Variants in VTI1A observed in about 807,000 individuals in gnomAD.
VTI1A encodes vesicle transport through interaction with t-SNAREs homolog 1A.
A neutral mutation model predicts 34.9 loss-of-function variants in VTI1A; 22 were observed. That is an observed-to-expected ratio of 0.63 (90% CI 0.45 to 0.90). The LOEUF (loss-of-function observed/expected upper bound fraction) is 0.90, where lower values mean the gene tolerates loss of function less well. Among genes scored for constraint, VTI1A ranks in the 40% least tolerant of loss-of-function variants. The pLI is 0.00. For missense variants in VTI1A, 268 were observed against 275.6 expected (o/e 0.97, Z 0.20); for synonymous variants, 87 against 97.3 (o/e 0.89, Z 0.62).
the VTI1A span, among the ~76,000 whole-genome samples, chr10:112,853,113 C>T: frequency 2.0e-5 from 3 of 152,196 alleles, no homozygotes; most frequent in African/African-American, 7.2e-5. Flanking sequence ...CCATGTTCTC[C>T]TTGTCCAAGG....
intron 7 of VTI1A, among the ~76,000 whole-genome samples, chr10:112,811,510 G>T (rs1308265452): frequency 6.6e-6 from 1 of 151,550 alleles, no homozygotes; most frequent in Admixed American, 6.6e-5. Flanking sequence ...GTGAAACCCC[G>T]TCTCTACTAA....
At chr10:112,728,741 T>C (rs1850138869) in intron 7 of VTI1A, among the ~76,000 whole-genome samples, 1 of 152,158 alleles carries the variant, frequency 6.6e-6, no homozygotes, top group Non-Finnish European at 1.5e-5. Context: ...TAACAACAAA[T>C]GTTCACTGCA....
chr10:112,499,109 G>A (rs1057376883), intron 3 of VTI1A, among the ~76,000 whole-genome samples: 1 of 152,112 alleles, frequency 6.6e-6, no homozygotes, highest in African/African-American at 2.4e-5. Context: ...GGGAGATATG[G>A]CATTTAATAA....
chr10:112,721,848 G>A (rs1324693577), intron 7 of VTI1A, among the ~76,000 whole-genome samples: 1 of 152,162 alleles, frequency 6.6e-6, no homozygotes, highest in Non-Finnish European at 1.5e-5. Flanking sequence ...AAGGAGTGAG[G>A]CCTCTTGTCA....
intron 7 of VTI1A, among the ~76,000 whole-genome samples, chr10:112,683,651 C>T (rs147905687): frequency 2.2e-3 from 331 of 152,254 alleles, no homozygotes; most frequent in Non-Finnish European, 2.4e-3. Context: ...TTGCTCTACT[C>T]ACTTAATATT....
intron 5 of VTI1A, among the ~76,000 whole-genome samples, chr10:112,572,405 T>C (rs1364134716): frequency 6.6e-6 from 1 of 152,208 alleles, no homozygotes; most frequent in Non-Finnish European, 1.5e-5. Context: ...AGTTTTCTTA[T>C]TTTATCTCTC....
chr10:112,687,208 G>A (rs1477356148), intron 7 of VTI1A, among the ~76,000 whole-genome samples: 1 of 144,704 alleles, frequency 6.9e-6, no homozygotes, highest in Non-Finnish European at 1.5e-5. Flanking sequence ...ACAGGCCTAG[G>A]CATACTACAA....
intron 7 of VTI1A, among the ~76,000 whole-genome samples, chr10:112,699,210 A>G (rs7088500): frequency 0.38 from 58,082 of 152,112 alleles, 14,072 homozygotes; most frequent in African/African-American, 0.69. Context: ...TCCTCACTCT[A>G]CCTAGACCTG....
intron 7 of VTI1A, among the ~76,000 whole-genome samples, chr10:112,763,438 C>CA (rs397714967): frequency 0.2 from 22,279 of 108,738 alleles, 2,146 homozygotes; most frequent in Non-Finnish European, 0.27. Flanking sequence ...GACACCATCT[C>CA]AAAAAAAAAA....
intron 3 of VTI1A, among the ~76,000 whole-genome samples, chr10:112,524,635 A>G (rs1850154068): frequency 6.6e-6 from 1 of 152,178 alleles, no homozygotes; most frequent in Non-Finnish European, 1.5e-5. Context: ...AAGATTCGAT[A>G]TTTAGGGATA....
intron 5 of VTI1A, among the ~76,000 whole-genome samples, chr10:112,607,173 A>C (rs1845117227): frequency 6.6e-6 from 1 of 151,710 alleles, no homozygotes; most frequent in Non-Finnish European, 1.5e-5. Flanking sequence ...TGTAATCCCA[A>C]CTACTTGGGA....
At chr10:112,633,211 C>T (rs1446812081) in intron 5 of VTI1A, among the ~76,000 whole-genome samples, 3 of 152,058 alleles carry the variant, frequency 2.0e-5, no homozygotes, top group Non-Finnish European at 4.4e-5. Context: ...TCTAGGTCTT[C>T]GGCATCATCT....
intron 7 of VTI1A, among the ~76,000 whole-genome samples, chr10:112,721,792 A>G (rs1171081194): frequency 6.6e-6 from 1 of 151,128 alleles, no homozygotes; most frequent in Non-Finnish European, 1.5e-5. Flanking sequence ...TTGAACCCAT[A>G]TAAAGAAGAA....
chr10:112,827,968 T>C, the VTI1A span, among the ~76,000 whole-genome samples: 1 of 152,214 alleles, frequency 6.6e-6, no homozygotes, highest in Non-Finnish European at 1.5e-5. Flanking sequence ...AATCACAGAC[T>C]TGGATCTGAG....
At chr10:112,828,380 T>C in the VTI1A span, among the ~76,000 whole-genome samples, 16 of 152,112 alleles carry the variant, frequency 1.1e-4, no homozygotes, top group Non-Finnish European at 1.9e-4. Flanking sequence ...TTTAAAAAAT[T>C]CATTTTAAAA....
At chr10:112,582,522 T>C (rs912257700) in intron 5 of VTI1A, among the ~76,000 whole-genome samples, 1 of 152,168 alleles carries the variant, frequency 6.6e-6, no homozygotes, top group African/African-American at 2.4e-5. Context: ...CCAGATCTCA[T>C]GGTGACATAG....
At chr10:112,779,891 T>C (rs1192858028) in intron 7 of VTI1A, among the ~76,000 whole-genome samples, 1 of 152,168 alleles carries the variant, frequency 6.6e-6, no homozygotes, top group Non-Finnish European at 1.5e-5. Flanking sequence ...CAATGTGCTG[T>C]TGAGGCTGAG....
At chr10:112,563,111 G>A (rs538729213) in intron 5 of VTI1A, among the ~76,000 whole-genome samples, 1 of 152,234 alleles carries the variant, frequency 6.6e-6, no homozygotes, top group African/African-American at 2.4e-5. Flanking sequence ...CCATTGTCAC[G>A]TGTTTACGGC....
chr10:112,559,380 A>G (rs1269475941), intron 5 of VTI1A, among the ~76,000 whole-genome samples: 1 of 152,224 alleles, frequency 6.6e-6, no homozygotes. Flanking sequence ...AAACCTGACT[A>G]ATAAATATAG....
Sources: gnomAD v4.1 joint callset for allele counts (sites outside exome capture counted in the v4.1 genomes callset) on GRCh38, gnomAD v4.1.1 for gene constraint, MANE v1.5 for transcripts, NCBI Gene and HGNC (gene_info 2026-07-23, HGNC 2026-07-21) for gene names.